The following ALDH7A1 variants were observed in gnomAD, a reference collection of about 807,000 sequenced individuals.
ALDH7A1 encodes aldehyde dehydrogenase 7 family member A1.
ALDH7A1 carries 63 observed loss-of-function variants against 79.9 expected under a neutral mutation model. The ratio of observed to expected loss-of-function variants is 0.79; its 90% CI spans 0.64 to 0.97. The LOEUF (loss-of-function observed/expected upper bound fraction) is 0.97. Among genes scored for constraint, ALDH7A1 ranks in the 50% least tolerant of loss-of-function variants. The pLI, the probability that ALDH7A1 is intolerant of heterozygous loss-of-function variation, is 0.00. For synonymous variants in ALDH7A1, 240 were observed against 231.2 expected, an observed-to-expected ratio of 1.04 and a Z score of -0.34; for missense variants, 627 against 665.2, an observed-to-expected ratio of 0.94 and a Z score of 0.63.
chr5:126,576,123 C>A lies in ALDH7A1; in HGVS notation c.651-659G>T, dbSNP rs534324760. ...AAAAATACAAAAAAAATTAGCCGGG[C>A]GTGGTGGCAGACGCCTGTAGTCCCA... On this transcript the variant is annotated intron_variant, in intron 6 of 17. Transcript: ENST00000409134. 1.1e-4 allele frequency among the ~76,000 whole-genome samples: 16 copies of A among 152,018 alleles called. No homozygotes were observed. In the South Asian group the frequency reaches 3.3e-3, roughly 32 times the overall value.
At chr5:126,580,884 G>A (rs1490022559) in intron 5 of ALDH7A1, among the ~76,000 whole-genome samples, 1 of 151,782 alleles carries the variant, frequency 6.6e-6, no homozygotes, top group Non-Finnish European at 1.5e-5. Context: ...CAGTGCAATG[G>A]CACGATCTCG....
intron 7 of ALDH7A1, chr5:126,571,220 G>A: frequency 3.5e-6 from 1 of 287,506 alleles, no homozygotes; most frequent in Non-Finnish European, 6.5e-6. Context: ...GCTCATGCCT[G>A]CAATCCCAGC....
chr5:126,583,413 G>A (rs1204052601), intron 4 of ALDH7A1, among the ~76,000 whole-genome samples: 1 of 151,512 alleles, frequency 6.6e-6, no homozygotes, highest in Non-Finnish European at 1.5e-5. Flanking sequence ...CCCAGGAGGG[G>A]GAGGTTGCAG....
At chr5:126,594,737 CG>C (rs1334689573) in intron 1 of ALDH7A1, among the ~76,000 whole-genome samples, 1 of 152,082 alleles carries the variant, frequency 6.6e-6, no homozygotes, top group African/African-American at 2.4e-5. Flanking sequence ...TGAGCCACCG[CG>C]CCCGGTAGAC....
chr5:126,569,417 T>C (rs1186721440), intron 8 of ALDH7A1: 1 of 152,174 alleles, frequency 6.6e-6, no homozygotes. Context: ...GGAATGCAAA[T>C]CAGACACTAC....
intron 16 of ALDH7A1, among the ~76,000 whole-genome samples, chr5:126,548,002 A>G (rs1456712021): frequency 6.6e-6 from 1 of 151,856 alleles, no homozygotes; most frequent in African/African-American, 2.4e-5. Flanking sequence ...CAGCGAGCCA[A>G]TATTGCACCA....
intron 5 of ALDH7A1, 114 bp from the exon 6 acceptor site, chr5:126,577,325 A>G (rs1050571496): frequency 2.2e-6 from 3 of 1,345,344 alleles, no homozygotes; most frequent in Non-Finnish European, 3.1e-6. Flanking sequence ...TTATAGTGGG[A>G]AATTGCTACA....
At chr5:126,568,418 A>C in intron 8 of ALDH7A1, 62 bp from the exon 9 acceptor site, 1 of 1,341,834 alleles carries the variant, frequency 7.5e-7, no homozygotes, top group Non-Finnish European at 1.1e-6. Context: ...ACAACATCTA[A>C]TGGTACCCAG....
intron 2 of ALDH7A1, 53 bp from the exon 3 acceptor site, chr5:126,592,782 G>C (rs752569446): frequency 1.3e-6 from 2 of 1,521,882 alleles, no homozygotes; most frequent in Non-Finnish European, 1.8e-6. Flanking sequence ...AAATGATGAT[G>C]ATCTTCTAGA....
At chr5:126,559,967 C>A (rs529993039) in intron 10 of ALDH7A1, among the ~76,000 whole-genome samples, 3 of 98,844 alleles carry the variant, frequency 3.0e-5, no homozygotes, top group African/African-American at 1.1e-4. Context: ...TTTTCTGAGA[C>A]GGAGTCTCAC....
At chr5:126,554,219 G>C (rs944588464) in intron 13 of ALDH7A1, 68 bp downstream of exon 13, 1 of 1,355,226 alleles carries the variant, frequency 7.4e-7, no homozygotes, top group African/African-American at 1.4e-5. Context: ...TATGCCCAGA[G>C]CCCTGCTTGT....
chr5:126,557,168 T>A (rs1174712616), intron 11 of ALDH7A1, among the ~76,000 whole-genome samples: 3 of 152,206 alleles, frequency 2.0e-5, no homozygotes, highest in African/African-American at 7.2e-5. Context: ...AATTTAATGT[T>A]TATGGTGAAC....
At chr5:126,592,434 C>T (rs1056810827) in intron 3 of ALDH7A1, 2 of 572,686 alleles carry the variant, frequency 3.5e-6, no homozygotes, top group African/African-American at 3.7e-5. Flanking sequence ...AGTTTTAATT[C>T]ATTTAAATTT....
At chr5:126,594,396 C>A (rs867356419) in intron 1 of ALDH7A1, 2 of 364,760 alleles carry the variant, frequency 5.5e-6, no homozygotes, top group Middle Eastern at 3.9e-4. Context: ...CAGTGTGCCA[C>A]ATTTCTCACA....
chr5:126,579,303 C>T (rs1751090327), intron 5 of ALDH7A1, among the ~76,000 whole-genome samples: 1 of 152,216 alleles, frequency 6.6e-6, no homozygotes, highest in African/African-American at 2.4e-5. Context: ...TCCTTCTCCT[C>T]TTTGTCCCAT....
intron 10 of ALDH7A1, 80 bp from the exon 11 acceptor site, chr5:126,559,414 G>A (rs1295141858): frequency 5.7e-6 from 4 of 703,048 alleles, no homozygotes; most frequent in East Asian, 7.3e-5. Context: ...AAACAATGTT[G>A]TTTTTTGTTT....
intron 9 of ALDH7A1, among the ~76,000 whole-genome samples, chr5:126,564,802 C>A (rs538751896): frequency 4.1e-4 from 62 of 152,260 alleles, no homozygotes; most frequent in Middle Eastern, 6.8e-3. Flanking sequence ...TCCTGCCTGG[C>A]TGCAAGTGAT....
chr5:126,565,970 G>C (rs1053460567), intron 9 of ALDH7A1, among the ~76,000 whole-genome samples: 6 of 152,202 alleles, frequency 3.9e-5, no homozygotes, highest in Admixed American at 2.6e-4. Context: ...GTGCCACATA[G>C]TCTTGATTAT....
intron 17 of ALDH7A1, among the ~76,000 whole-genome samples, chr5:126,545,804 A>C (rs531226831): frequency 5.3e-5 from 8 of 151,146 alleles, no homozygotes; most frequent in Non-Finnish European, 1.2e-4. Context: ...AAAAAAAAAA[A>C]AGTGTGCCCT....
Sources: allele counts gnomAD v4.1 joint callset (sites outside exome capture counted in the v4.1 genomes callset), GRCh38; gene constraint gnomAD v4.1.1; transcripts MANE v1.5; gene names NCBI Gene and HGNC (gene_info 2026-07-23, HGNC 2026-07-21).